Variants in GRM8 observed in about 807,000 individuals in gnomAD.
GRM8 encodes the protein glutamate metabotropic receptor 8.
Under a neutral mutation model 87.2 loss-of-function variants are expected in GRM8, and 47 were observed. That is an observed-to-expected ratio of 0.54 (90% confidence interval 0.43 to 0.69). The LOEUF is 0.69. Ranked by LOEUF, GRM8 falls within the 30% of genes least tolerant of loss-of-function variation. The probability of loss-of-function intolerance (pLI) is 0.00; values close to 1 mark genes in which losing one functional copy is unlikely to be tolerated. For synonymous variants in GRM8, 396 were observed against 404.5 expected (o/e 0.98, Z 0.25); for missense variants, 1,019 against 1,139.2 (o/e 0.89, Z 1.52).
chr7:127,150,026 C>T (rs1407008277), intron 2 of GRM8, among the ~76,000 whole-genome samples: 1 of 151,986 alleles, frequency 6.6e-6, no homozygotes, highest in Non-Finnish European at 1.5e-5. Flanking sequence ...TGAGTGCTCT[C>T]ACCACAAAAA....
chr7:126,697,126 G>T (rs527807605), intron 7 of GRM8, among the ~76,000 whole-genome samples: 8 of 143,754 alleles, frequency 5.6e-5, no homozygotes, highest in African/African-American at 7.8e-5. Flanking sequence ...GCCAGGCACA[G>T]AAAGACAAAT....
chr7:127,129,891 T>C (rs373819476), intron 2 of GRM8, among the ~76,000 whole-genome samples: 10 of 152,072 alleles, frequency 6.6e-5, no homozygotes, highest in African/African-American at 2.4e-4. Flanking sequence ...TTGTGGCAGG[T>C]CAGGAAGAAC....
intron 7 of GRM8, among the ~76,000 whole-genome samples, chr7:126,698,589 G>A (rs1297658941): frequency 6.6e-6 from 1 of 152,010 alleles, no homozygotes; most frequent in Non-Finnish European, 1.5e-5. Context: ...TCACACTTCT[G>A]TGCCTGTTAA....
intron 6 of GRM8, among the ~76,000 whole-genome samples, chr7:126,788,084 G>A (rs1174134326): frequency 6.6e-6 from 1 of 151,956 alleles, no homozygotes; most frequent in Admixed American, 6.6e-5. Context: ...CAACAAAAAT[G>A]ATGAGTTACC....
intron 7 of GRM8, among the ~76,000 whole-genome samples, chr7:126,659,118 CTT>C (rs1011628936): frequency 1.4e-5 from 2 of 147,544 alleles, no homozygotes; most frequent in African/African-American, 4.9e-5. Flanking sequence ...GTTATCTACT[CTT>C]AGAGAATTCA....
intron 2 of GRM8, among the ~76,000 whole-genome samples, chr7:127,117,355 C>T (rs920982976): frequency 2.6e-5 from 4 of 152,174 alleles, no homozygotes; most frequent in African/African-American, 9.6e-5. Context: ...ATACATGCAT[C>T]TGTCCACCCC....
At chr7:127,002,654 C>T (rs1261070919) in intron 3 of GRM8, among the ~76,000 whole-genome samples, 3 of 151,602 alleles carry the variant, frequency 2.0e-5, no homozygotes, top group African/African-American at 7.3e-5. Flanking sequence ...GCCATTGCCT[C>T]CTTGACCAGG....
intron 3 of GRM8, among the ~76,000 whole-genome samples, chr7:127,085,356 T>C (rs1260629700): frequency 6.6e-6 from 1 of 152,226 alleles, no homozygotes; most frequent in African/African-American, 2.4e-5. Flanking sequence ...TCAAATAGTA[T>C]TTCTAGTTGT....
intron 3 of GRM8, among the ~76,000 whole-genome samples, chr7:127,050,274 A>G (rs1224260804): frequency 1.3e-5 from 2 of 152,034 alleles, no homozygotes; most frequent in Non-Finnish European, 2.9e-5. Flanking sequence ...TGCGTGGGGG[A>G]TGTGTGAACA....
At chr7:127,085,831 C>G (rs1406984346) in intron 3 of GRM8, among the ~76,000 whole-genome samples, 8 of 152,098 alleles carry the variant, frequency 5.3e-5, no homozygotes, top group African/African-American at 1.9e-4. Flanking sequence ...TGTCTATTTT[C>G]ACTTTTGTTG....
At chr7:126,610,554 A>G (rs1238775677) in intron 7 of GRM8, among the ~76,000 whole-genome samples, 4 of 152,338 alleles carry the variant, frequency 2.6e-5, no homozygotes, top group African/African-American at 9.6e-5. Flanking sequence ...AAAAGTATAC[A>G]TAACTAATAG....
chr7:126,487,233 G>T (rs1807474575), intron 9 of GRM8, among the ~76,000 whole-genome samples: 1 of 151,596 alleles, frequency 6.6e-6, no homozygotes, highest in Non-Finnish European at 1.5e-5. Context: ...TCTATAAGTT[G>T]TTTTGGTAAA....
chr7:127,008,462 C>T (rs2132087346), intron 3 of GRM8, among the ~76,000 whole-genome samples: 1 of 152,210 alleles, frequency 6.6e-6, no homozygotes, highest in Non-Finnish European at 1.5e-5. Context: ...AATTCTCCCT[C>T]ATGCCTCAGG....
At chr7:126,961,417 C>T (rs377452547) in intron 3 of GRM8, among the ~76,000 whole-genome samples, 4 of 152,112 alleles carry the variant, frequency 2.6e-5, no homozygotes, top group Non-Finnish European at 4.4e-5. Context: ...ATACCATCAC[C>T]GTGTGTAAGT....
chr7:126,561,483 G>T (rs1430936756), intron 8 of GRM8, among the ~76,000 whole-genome samples: 1 of 151,514 alleles, frequency 6.6e-6, no homozygotes, highest in Non-Finnish European at 1.5e-5. Flanking sequence ...AAAAAAGGTA[G>T]TAAAATAAAA....
At chr7:126,719,570 CAT>C (rs1308302937) in intron 7 of GRM8, among the ~76,000 whole-genome samples, 4 of 152,152 alleles carry the variant, frequency 2.6e-5, no homozygotes, top group African/African-American at 9.7e-5. Context: ...TGAGAGTCAA[CAT>C]GTGTGAAAAA....
chr7:127,222,207 G>C (rs1337613740), intron 2 of GRM8, among the ~76,000 whole-genome samples: 1 of 152,168 alleles, frequency 6.6e-6, no homozygotes, highest in Non-Finnish European at 1.5e-5. Context: ...GGAGTTCAAG[G>C]CCAGCCTGGC....
chr7:126,729,124 TGTATGAA>T (rs1346781614), intron 7 of GRM8, among the ~76,000 whole-genome samples: 1 of 152,188 alleles, frequency 6.6e-6, no homozygotes, highest in Admixed American at 6.5e-5. Flanking sequence ...CCCTCCCACC[TGTATGAA>T]GTTCAGCTAG....
chr7:127,229,260 C>T (rs564336629), intron 2 of GRM8: 171 of 152,270 alleles, frequency 1.1e-3, no homozygotes, highest in Non-Finnish European at 2.1e-3. Flanking sequence ...CAAACAATCC[C>T]GAGAGGATGT....
Sources: gnomAD v4.1 joint callset for allele counts (sites outside exome capture counted in the v4.1 genomes callset) on GRCh38, gnomAD v4.1.1 for gene constraint, MANE v1.5 for transcripts, NCBI Gene and HGNC (gene_info 2026-07-23, HGNC 2026-07-21) for gene names.